NKAIN3: variants seen among roughly 807,000 people sequenced by gnomAD.
The protein encoded by NKAIN3 is sodium/potassium-transporting ATPase subunit beta-1-interacting protein 3.
NKAIN3 carries 25 observed loss-of-function variants against 30.2 expected under a neutral mutation model. The ratio of observed to expected loss-of-function variants is 0.83; its 90% confidence interval spans 0.60 to 1.16. NKAIN3 has a LOEUF of 1.16. NKAIN3 is among the 50% of genes most tolerant of loss of function. The probability of loss-of-function intolerance (pLI) is 0.00; values close to 1 mark genes in which losing one functional copy is unlikely to be tolerated. For missense variants in NKAIN3, 225 were observed against 254.1 expected, an observed-to-expected ratio of 0.89 and a Z score of 0.78; for synonymous variants, 91 against 89.6, an observed-to-expected ratio of 1.02 and a Z score of -0.09.
intron 4 of NKAIN3, among the ~76,000 whole-genome samples, chr8:62,761,351 G>A (rs536890092): frequency 8.5e-5 from 13 of 152,158 alleles, no homozygotes; most frequent in Admixed American, 2.0e-4. Flanking sequence ...GGGGGAGGAC[G>A]GGGGTGGATT....
chr8:62,850,365 A>C (rs1819854754), intron 4 of NKAIN3, among the ~76,000 whole-genome samples: 1 of 152,120 alleles, frequency 6.6e-6, no homozygotes, highest in African/African-American at 2.4e-5. Flanking sequence ...GCCCTTTGTC[A>C]GATGAGTAGA....
chr8:62,933,837 T>C (rs1822697076), intron 5 of NKAIN3, among the ~76,000 whole-genome samples: 1 of 152,140 alleles, frequency 6.6e-6, no homozygotes, highest in Admixed American at 6.5e-5. Context: ...AAAAGGTTCC[T>C]CCAAATGAGC....
At chr8:62,913,663 A>T (rs1410689501) in intron 4 of NKAIN3, among the ~76,000 whole-genome samples, 1 of 152,212 alleles carries the variant, frequency 6.6e-6, no homozygotes, top group Admixed American at 6.5e-5. Flanking sequence ...TCTTGGAAGA[A>T]TCCATGCATT....
intron 4 of NKAIN3, among the ~76,000 whole-genome samples, chr8:62,861,799 G>A (rs1820247380): frequency 6.6e-6 from 1 of 152,132 alleles, no homozygotes; most frequent in Non-Finnish European, 1.5e-5. Flanking sequence ...GTCAAGAGGA[G>A]AAGCAAGGAT....
chr8:62,620,206 T>C (rs1230487500), intron 3 of NKAIN3, among the ~76,000 whole-genome samples: 1 of 152,130 alleles, frequency 6.6e-6, no homozygotes, highest in Non-Finnish European at 1.5e-5. Flanking sequence ...TTCCTTTCAG[T>C]CGTCTCTGTG....
At chr8:62,280,077 A>C (rs967392451) in intron 1 of NKAIN3, among the ~76,000 whole-genome samples, 2 of 152,102 alleles carry the variant, frequency 1.3e-5, no homozygotes, top group Non-Finnish European at 2.9e-5. Context: ...TTCCCCTTGA[A>C]GAGGTCCTTC....
chr8:62,454,301 C>CAA (rs201511724), intron 1 of NKAIN3, among the ~76,000 whole-genome samples: 2,548 of 56,054 alleles, frequency 0.045, 279 homozygotes, highest in African/African-American at 0.13. Context: ...AGCTGATGTG[C>CAA]AAAAAAAAAA....
At chr8:62,263,855 A>G (rs1812524636) in intron 1 of NKAIN3, among the ~76,000 whole-genome samples, 3 of 152,210 alleles carry the variant, frequency 2.0e-5, no homozygotes, top group Admixed American at 6.6e-5. Flanking sequence ...ACGTATTTAT[A>G]TATGAACTTC....
intron 1 of NKAIN3, among the ~76,000 whole-genome samples, chr8:62,388,172 C>T (rs1302493883): frequency 6.6e-6 from 1 of 152,178 alleles, no homozygotes; most frequent in Non-Finnish European, 1.5e-5. Context: ...TCATGTGAAT[C>T]AACATTTACA....
At chr8:62,817,846 G>A (rs376662258) in intron 4 of NKAIN3, among the ~76,000 whole-genome samples, 1 of 152,102 alleles carries the variant, frequency 6.6e-6, no homozygotes, top group East Asian at 1.9e-4. Flanking sequence ...ACAGACCAGG[G>A]TCCAGCAGGT....
chr8:62,656,324 G>A (rs1380705707), intron 3 of NKAIN3, among the ~76,000 whole-genome samples: 1 of 152,118 alleles, frequency 6.6e-6, no homozygotes, highest in Non-Finnish European at 1.5e-5. Context: ...TTCAGCAGCT[G>A]TTACTTCATA....
chr8:62,988,787 A>G (rs990791613), downstream of NKAIN3, among the ~76,000 whole-genome samples: 17 of 152,358 alleles, frequency 1.1e-4, no homozygotes, highest in South Asian at 2.1e-4. Context: ...GCTCCTCATT[A>G]CTTATGCAAA....
At chr8:62,256,073 A>C (rs1380988963) in intron 1 of NKAIN3, among the ~76,000 whole-genome samples, 1 of 152,044 alleles carries the variant, frequency 6.6e-6, no homozygotes, top group East Asian at 1.9e-4. Context: ...GTCAGTTGAG[A>C]GCCGAGTTAG....
intron 4 of NKAIN3, among the ~76,000 whole-genome samples, chr8:62,872,187 T>A (rs1413170258): frequency 6.6e-6 from 1 of 152,204 alleles, no homozygotes; most frequent in Non-Finnish European, 1.5e-5. Flanking sequence ...TCTAGTTTTG[T>A]GTAAGTACAC....
At chr8:62,667,345 C>CA (rs1563507953) in intron 3 of NKAIN3, among the ~76,000 whole-genome samples, 3,207 of 80,008 alleles carry the variant, frequency 0.04, 204 homozygotes, top group African/African-American at 0.17. Flanking sequence ...TATATATATT[C>CA]TTTATATATA....
At chr8:62,903,199 A>G (rs1821664205) in intron 4 of NKAIN3, among the ~76,000 whole-genome samples, 1 of 152,204 alleles carries the variant, frequency 6.6e-6, no homozygotes, top group African/African-American at 2.4e-5. Context: ...TTCCATATTC[A>G]TTGATTCATT....
intron 1 of NKAIN3, among the ~76,000 whole-genome samples, chr8:62,281,996 T>C (rs1813211923): frequency 4.0e-5 from 1 of 24,884 alleles, no homozygotes; most frequent in Non-Finnish European, 1.1e-4. Flanking sequence ...CAAGTTATCT[T>C]TTTTTTTTTT....
chr8:62,366,641 C>CA (rs1000812307), intron 1 of NKAIN3, among the ~76,000 whole-genome samples: 15 of 151,852 alleles, frequency 9.9e-5, no homozygotes, highest in Admixed American at 9.8e-4. Context: ...TTTTTATTTT[C>CA]AAAAAACAAC....
chr8:62,448,737 A>G (rs1221923889), intron 1 of NKAIN3, among the ~76,000 whole-genome samples: 2 of 151,958 alleles, frequency 1.3e-5, no homozygotes, highest in African/African-American at 4.8e-5. Context: ...TGCTACAAGA[A>G]TTTCTGAGCT....
Sources: allele counts gnomAD v4.1 joint callset (sites outside exome capture counted in the v4.1 genomes callset), GRCh38; gene constraint gnomAD v4.1.1; transcripts MANE v1.5; gene names NCBI Gene and HGNC (gene_info 2026-07-23, HGNC 2026-07-21).